GRHL2: variants seen among roughly 807,000 people sequenced by gnomAD.
GRHL2 encodes grainyhead-like protein 2 homolog.
Under a neutral mutation model 83.8 loss-of-function variants are expected in GRHL2, and 21 were observed. The observed-to-expected ratio is 0.25, with a 90% CI of 0.18 to 0.36. The LOEUF (loss-of-function observed/expected upper bound fraction) is 0.36, where lower values mean the gene tolerates loss of function less well. Among genes scored for constraint, GRHL2 ranks in the 10% least tolerant of loss-of-function variants. GRHL2 has a pLI of 1.00. For synonymous variants in GRHL2, 280 were observed against 278.9 expected, an observed-to-expected ratio of 1.00 and a Z score of -0.04; for missense variants, 623 against 781.8, an observed-to-expected ratio of 0.80 and a Z score of 2.42.
At chr8:101,500,862 A>C (rs77788717) in intron 1 of GRHL2, among the ~76,000 whole-genome samples, 1 of 121,066 alleles carries the variant, frequency 8.3e-6, no homozygotes, top group Non-Finnish European at 1.8e-5. Context: ...AAAAAAAAAA[A>C]AAAGTACTGG....
intron 1 of GRHL2, among the ~76,000 whole-genome samples, chr8:101,522,828 T>TG (rs1488066130): frequency 6.6e-6 from 1 of 151,630 alleles, no homozygotes; most frequent in East Asian, 1.9e-4. Flanking sequence ...AAATATAACT[T>TG]GCTTTTTTTT....
At chr8:101,630,175 G>T (rs1813158305) in intron 9 of GRHL2, among the ~76,000 whole-genome samples, 1 of 152,154 alleles carries the variant, frequency 6.6e-6, no homozygotes, top group African/African-American at 2.4e-5. Flanking sequence ...TAGTTTAAAA[G>T]CCATAAGGCA....
At chr8:101,655,222 G>C (rs1174964386) in intron 14 of GRHL2, among the ~76,000 whole-genome samples, 1 of 152,192 alleles carries the variant, frequency 6.6e-6, no homozygotes, top group East Asian at 1.9e-4. Flanking sequence ...CCCTGTAAGA[G>C]TGAGGTCAGG....
In GRHL2 at chr8:101,586,065, C is replaced by CTTTTTTTT. The variant is rs67985027; in HGVS notation, c.1003+8564_1003+8571dup. Among the ~76,000 whole-genome samples, 153 of 94,306 alleles carry CTTTTTTTT rather than the reference C, an allele frequency of 1.6e-3. 8 individuals carry two copies. The highest frequency in any genetic ancestry group is 0.015 in the East Asian group (46 of 3,100). 61.9% of individuals were successfully genotyped at this position (94,306 alleles called of 152,430 possible). A position where few individuals can be genotyped will look rare whatever the true frequency, so the allele number is the denominator to read the frequency against. On this transcript the variant is annotated intron_variant, in intron 7 of 15. Coordinates refer to ENST00000646743, the MANE Select transcript of GRHL2 (RefSeq NM_024915.4). ...TCTTCTTTCCTTCCACCTCATGTTT[C>CTTTTTTTT]TTTTTTTTTTTTTTTTTTTTTTTTT...
chr8:101,676,927 T>C, the GRHL2 span, among the ~76,000 whole-genome samples: 7 of 152,060 alleles, frequency 4.6e-5, no homozygotes, highest in African/African-American at 1.7e-4. Flanking sequence ...TGGATGAAAC[T>C]GGAAACCATC....
chr8:101,566,554 T>A (rs1017307144), intron 4 of GRHL2, among the ~76,000 whole-genome samples: 2 of 148,036 alleles, frequency 1.4e-5, no homozygotes, highest in Admixed American at 6.8e-5. Flanking sequence ...TGTAATAATA[T>A]TTATGTTATA....
intron 14 of GRHL2, among the ~76,000 whole-genome samples, chr8:101,657,026 A>G (rs1016572972): frequency 3.3e-5 from 5 of 152,202 alleles, no homozygotes; most frequent in African/African-American, 7.2e-5. Flanking sequence ...TCTACAAAGA[A>G]AAAGGTCGCT....
At chr8:101,557,919 C>T (rs1490090656) in intron 3 of GRHL2, among the ~76,000 whole-genome samples, 1 of 152,166 alleles carries the variant, frequency 6.6e-6, no homozygotes, top group African/African-American at 2.4e-5. Context: ...GTCTGGAGTG[C>T]AATGGCGCCA....
chr8:101,493,439 GCCTC>G (rs1563548126), intron 1 of GRHL2, among the ~76,000 whole-genome samples: 27 of 10,256 alleles, frequency 2.6e-3, no homozygotes, highest in Non-Finnish European at 0.017. Context: ...CCCCTCCCCC[GCCTC>G]CCTCCCCCGG....
At chr8:101,531,447 C>T (rs1709696967) in intron 1 of GRHL2, among the ~76,000 whole-genome samples, 1 of 152,054 alleles carries the variant, frequency 6.6e-6, no homozygotes, top group Non-Finnish European at 1.5e-5. Flanking sequence ...ATAGTGGATG[C>T]TCAATAAGTA....
rs139852694 is a variant in GRHL2, at chr8:101,660,302, A to G, written c.1699-4152A>G. On this transcript the variant is annotated intron_variant, in intron 14 of 15. Transcript: ENST00000646743. ...ATTCATATCCATATATCATATCATT[A>G]TATCATATCCATTCTTAACCTCATC... Among the ~76,000 whole-genome samples, 1,207 of 152,286 alleles carry G rather than the reference A, an allele frequency of 7.9e-3. 16 individuals are homozygous for G. The highest frequency in any genetic ancestry group is 0.027 in the African/African-American group (1,135 of 41,546).
chr8:101,649,337 C>A, intron 13 of GRHL2, 77 bp from the exon 14 acceptor site: 2 of 1,175,062 alleles, frequency 1.7e-6, no homozygotes, highest in Non-Finnish European at 2.5e-6. Context: ...ACCTGTGTGA[C>A]AGGAAACAGT....
chr8:101,609,428 C>T (rs911232396), intron 8 of GRHL2, among the ~76,000 whole-genome samples: 2 of 150,874 alleles, frequency 1.3e-5, no homozygotes, highest in African/African-American at 5.0e-5. Context: ...GGCCTCCTGG[C>T]GATTCTGATG....
intron 2 of GRHL2, among the ~76,000 whole-genome samples, chr8:101,548,853 T>G (rs555514263): frequency 6.6e-6 from 1 of 152,342 alleles, no homozygotes; most frequent in African/African-American, 2.4e-5. Context: ...TCAGGGGCTC[T>G]TGGCAACAAC....
chr8:101,548,909 T>G (rs1253436131), intron 2 of GRHL2, among the ~76,000 whole-genome samples: 3 of 152,190 alleles, frequency 2.0e-5, no homozygotes, highest in Admixed American at 6.5e-5. Flanking sequence ...CATGTTTCAG[T>G]GTTTGGAATC....
At chr8:101,644,519 G>A (rs1365602870) in intron 13 of GRHL2, among the ~76,000 whole-genome samples, 4 of 152,200 alleles carry the variant, frequency 2.6e-5, no homozygotes, top group South Asian at 2.1e-4. Flanking sequence ...CTCTTGCTGC[G>A]TGTGTGGACA....
chr8:101,583,310 G>T (rs1474477170), intron 7 of GRHL2, among the ~76,000 whole-genome samples: 1 of 152,226 alleles, frequency 6.6e-6, no homozygotes. Context: ...GGGATTGAAG[G>T]CATGAATTGC....
At chr8:101,603,299 C>T (rs1054659353) in intron 8 of GRHL2, among the ~76,000 whole-genome samples, 5 of 152,064 alleles carry the variant, frequency 3.3e-5, no homozygotes, top group East Asian at 1.9e-4. Context: ...TAAAGGATAG[C>T]TTTTATTTGG....
chr8:101,680,742 C>T, the GRHL2 span, among the ~76,000 whole-genome samples: 1 of 129,316 alleles, frequency 7.7e-6, no homozygotes, highest in Non-Finnish European at 1.6e-5. Flanking sequence ...GACCACAGTG[C>T]AATCAAACTA....
Sources: gnomAD v4.1 joint callset for allele counts (sites outside exome capture counted in the v4.1 genomes callset) on GRCh38, gnomAD v4.1.1 for gene constraint, MANE v1.5 for transcripts, NCBI Gene and HGNC (gene_info 2026-07-23, HGNC 2026-07-21) for gene names.